MRPS27: variants seen among roughly 807,000 people sequenced by gnomAD.
MRPS27 encodes the protein small ribosomal subunit protein mS27.
Under a neutral mutation model 48.9 loss-of-function variants are expected in MRPS27, and 43 were observed. The ratio of observed to expected loss-of-function variants is 0.88; its 90% confidence interval spans 0.69 to 1.13. MRPS27 has a LOEUF of 1.13. Among genes scored for constraint, MRPS27 ranks in the 50% most tolerant of loss-of-function variants. The pLI, the probability that MRPS27 is intolerant of heterozygous loss-of-function variation, is 0.00. For missense variants in MRPS27, 467 were observed against 476.3 expected, an observed-to-expected ratio of 0.98 and a Z score of 0.18; for synonymous variants, 188 against 171.9, an observed-to-expected ratio of 1.09 and a Z score of -0.73.
rs140144671 is a variant in MRPS27, at chr5:72,228,153, G to A, written c.694+113C>T. 2.8e-5 allele frequency: 26 copies of A among 915,558 alleles called. No homozygotes were observed. The East Asian group carries it at 6.7e-4, about 24-fold the overall frequency. The allele number at this position is 915,558 out of a possible 1,614,324, so 56.7% of individuals were successfully genotyped here. A position where few individuals can be genotyped will look rare whatever the true frequency, so the allele number is the denominator to read the frequency against. On this transcript the variant is annotated intron_variant, in intron 8 of 10. Transcript: ENST00000261413. ...TCTATTTTTATGTCTAAAAACGAAG[G>A]CTAATTGGATTTCACTGGTAAATTT...
At chr5:72,293,766 T>C (rs1749901768) in intron 4 of MRPS27, among the ~76,000 whole-genome samples, 1 of 152,228 alleles carries the variant, frequency 6.6e-6, no homozygotes, top group African/African-American at 2.4e-5. Flanking sequence ...CCCAACACTA[T>C]GGCACTGTAT....
intron 10 of MRPS27, among the ~76,000 whole-genome samples, chr5:72,221,547 CTA>C (rs969795346): frequency 2.6e-5 from 4 of 152,204 alleles, no homozygotes; most frequent in African/African-American, 4.8e-5. Context: ...TCTAACAAAT[CTA>C]TGTTTCCACC....
chr5:72,238,670 A>G (rs1748270200), intron 4 of MRPS27, among the ~76,000 whole-genome samples: 1 of 152,180 alleles, frequency 6.6e-6, no homozygotes, highest in South Asian at 2.1e-4. Context: ...TTTAACATTC[A>G]TGTCCTCCAA....
At chr5:72,296,160 T>C (rs553849964) in intron 3 of MRPS27, among the ~76,000 whole-genome samples, 9 of 152,194 alleles carry the variant, frequency 5.9e-5, no homozygotes, top group Middle Eastern at 3.4e-3. Flanking sequence ...TCATTAACTA[T>C]GGTCCAAATA....
chr5:72,278,249 T>C (rs371112094), intron 4 of MRPS27, among the ~76,000 whole-genome samples: 7 of 152,020 alleles, frequency 4.6e-5, no homozygotes, highest in African/African-American at 1.7e-4. Context: ...GAGACCATCC[T>C]GGCTAACATG....
At chr5:72,312,477 T>C (rs574983402) in intron 2 of MRPS27, among the ~76,000 whole-genome samples, 1 of 152,318 alleles carries the variant, frequency 6.6e-6, no homozygotes, top group African/African-American at 2.4e-5. Flanking sequence ...TCTATAATTA[T>C]TCCACATTTA....
intron 4 of MRPS27, among the ~76,000 whole-genome samples, chr5:72,246,967 A>C (rs1405039269): frequency 6.6e-6 from 1 of 152,210 alleles, no homozygotes; most frequent in Non-Finnish European, 1.5e-5. Flanking sequence ...GAGCAGAATC[A>C]ACAGAAAAAT....
chr5:72,311,781 A>G (rs567365806), intron 2 of MRPS27, among the ~76,000 whole-genome samples: 2 of 152,234 alleles, frequency 1.3e-5, no homozygotes, highest in Non-Finnish European at 2.9e-5. Flanking sequence ...ATTGTTATAA[A>G]CAACAGAAAA....
chr5:72,250,166 T>G (rs1214443209), intron 4 of MRPS27, among the ~76,000 whole-genome samples: 1 of 152,126 alleles, frequency 6.6e-6, no homozygotes, highest in African/African-American at 2.4e-5. Context: ...GGAAAATAAA[T>G]CCAACTTTTC....
At chr5:72,268,183 G>A (rs1053577999) in intron 4 of MRPS27, among the ~76,000 whole-genome samples, 4 of 151,912 alleles carry the variant, frequency 2.6e-5, no homozygotes, top group East Asian at 1.9e-4. Flanking sequence ...AAAATTATAA[G>A]TCAAATCCTT....
Position 72,320,218 on chromosome 5 carries a change from C to T in MRPS27, c.4G>A (p.Ala2Thr). The T allele has an allele frequency of 6.2e-7, 1 of 1,613,970 alleles. No individual in the cohort carries two copies. The highest frequency in any genetic ancestry group is 8.5e-7 in the Non-Finnish European group (1 of 1,179,894). Residue 2 changes from alanine to threonine, a missense_variant, in exon 1 of 11, where the codon GCT (alanine) becomes ACT (threonine). Transcript: ENST00000261413. Reference protein sequence around the residue: MAASIVRRGMLL... With the variant: MTASIVRRGMLL... ...ATCCCGCGCCGCACTATGGAGGCAG[C>T]CATCTTGGAGCGTACCAAAAGGAAC... is the stretch of plus-strand genomic sequence containing the variant.
Position 72,278,691 on chromosome 5 carries a change from C to G in MRPS27, c.281+16840G>C, listed in dbSNP as rs142150015. Among the ~76,000 whole-genome samples, 834 of 152,200 alleles carry G rather than the reference C, an allele frequency of 5.5e-3. 6 individuals are homozygous for G. Among genetic ancestry groups the G allele is most frequent in the Non-Finnish European group, 8.7e-3 (594 of 67,996 alleles). ...GTGATGATATTGCTTTGCATATTTTCAAACTACATAAATGGTATCATATTA... is the reference window on the plus strand; with the variant it reads ...GTGATGATATTGCTTTGCATATTTTGAAACTACATAAATGGTATCATATTA... On this transcript the variant is annotated intron_variant, in intron 4 of 10. Transcript: ENST00000261413.
At position 72,223,799 on chromosome 5, in the gene MRPS27, A is replaced by G; in HGVS notation, c.889T>C (p.Ser297Pro). Residue 297 changes from serine to proline, a missense_variant, in exon 10 of 11, where the codon TCA (serine) becomes CCA (proline). Physicochemically the swap from Ser to Pro is moderately conservative, Grantham distance 74. Coordinates refer to ENST00000261413, the MANE Select transcript of MRPS27 (RefSeq NM_015084.3). ...LKALTSADGASEEQSQNDEDN... is the reference protein window; with the variant it reads ...LKALTSADGAPEEQSQNDEDN... The stretch of plus-strand genomic sequence containing the variant: ...TCATCATTTTGGGACTGCTCCTCTG[A>G]AGCCCCATCAGCTGAAGTCAGAGCC... 1.2e-6 allele frequency: 2 copies of G among 1,614,022 alleles called. No homozygotes were observed. The highest frequency in any genetic ancestry group is 1.7e-6 in the Non-Finnish European group (2 of 1,179,942).
intron 4 of MRPS27, among the ~76,000 whole-genome samples, chr5:72,253,643 CTAAAA>C (rs1748722089): frequency 6.6e-6 from 1 of 152,002 alleles, no homozygotes; most frequent in African/African-American, 2.4e-5. Flanking sequence ...TCTGTTTAAT[CTAAAA>C]TATTTTACTG....
At chr5:72,259,273 A>G (rs1264186337) in intron 4 of MRPS27, among the ~76,000 whole-genome samples, 1 of 152,166 alleles carries the variant, frequency 6.6e-6, no homozygotes, top group Non-Finnish European at 1.5e-5. Flanking sequence ...GTTTGAGACC[A>G]GCCTGACCAA....
chr5:72,273,527 A>G lies in MRPS27; in HGVS notation c.281+22004T>C, dbSNP rs1047021122. ...CTACTATACATCTAGGCCATACGCT[A>G]TAGCCTGTTGCTCCTAGGCTACAAA... On this transcript the variant is annotated intron_variant, in intron 4 of 10. Transcript: ENST00000261413. Among the ~76,000 whole-genome samples, 3 of 152,240 alleles carry G rather than the reference A, an allele frequency of 2.0e-5. No homozygotes were observed. In the East Asian group the frequency reaches 5.8e-4, roughly 29 times the overall value.
At chr5:72,317,808 G>C (rs1297210345) in intron 1 of MRPS27, among the ~76,000 whole-genome samples, 4 of 152,124 alleles carry the variant, frequency 2.6e-5, no homozygotes, top group Non-Finnish European at 4.4e-5. Flanking sequence ...CTGCCCCAGG[G>C]GGATGGTTCT....
At chr5:72,308,654 T>G (rs760772728) in intron 2 of MRPS27, among the ~76,000 whole-genome samples, 1 of 152,202 alleles carries the variant, frequency 6.6e-6, no homozygotes, top group Non-Finnish European at 1.5e-5. Flanking sequence ...GCCTCCCTGC[T>G]AAGTGCCAGT....
chr5:72,229,504 T>C (rs1253893257), intron 7 of MRPS27: 1 of 151,740 alleles, frequency 6.6e-6, no homozygotes, highest in East Asian at 1.9e-4. Flanking sequence ...AACTAAGAAG[T>C]TTGATTTTCC....
Sources: gnomAD v4.1 joint callset for allele counts (sites outside exome capture counted in the v4.1 genomes callset) on GRCh38, gnomAD v4.1.1 for gene constraint, MANE v1.5 for transcripts, NCBI Gene and HGNC (gene_info 2026-07-23, HGNC 2026-07-21) for gene names.